The following CAMTA1 variants were observed in gnomAD, a reference collection of about 807,000 sequenced individuals.
The protein encoded by CAMTA1 is calmodulin-binding transcription activator 1.
CAMTA1 carries 27 observed loss-of-function variants against 170.9 expected under a neutral mutation model. The observed-to-expected ratio is 0.16, with a 90% confidence interval of 0.12 to 0.22. CAMTA1 has a LOEUF of 0.22. Ranked by LOEUF, CAMTA1 falls within the 10% of genes least tolerant of loss-of-function variation. The pLI, the probability that CAMTA1 is intolerant of heterozygous loss-of-function variation, is 1.00. For missense variants in CAMTA1, 1,619 were observed against 2,217.2 expected (o/e 0.73, Z 5.42); for synonymous variants, 833 against 891.5 (o/e 0.93, Z 1.17).
chr1:7,141,541 T>C (rs929782464), intron 4 of CAMTA1, among the ~76,000 whole-genome samples: 7 of 152,160 alleles, frequency 4.6e-5, no homozygotes, highest in South Asian at 4.1e-4. Flanking sequence ...GGAAAAGACA[T>C]AGAAGGGCAC....
intron 3 of CAMTA1, among the ~76,000 whole-genome samples, chr1:7,060,274 C>T (rs1406350405): frequency 6.6e-6 from 1 of 152,210 alleles, no homozygotes; most frequent in East Asian, 1.9e-4. Flanking sequence ...TCTCCCGAGG[C>T]CTCTCTCCTT....
chr1:6,786,030 C>G (rs1044147265), intron 1 of CAMTA1, among the ~76,000 whole-genome samples: 2 of 151,686 alleles, frequency 1.3e-5, no homozygotes, highest in African/African-American at 4.8e-5. Flanking sequence ...CCGCGCCCCA[C>G]TGCTCCGGGC....
At chr1:7,275,453 GA>G (rs1670451288) in intron 5 of CAMTA1, among the ~76,000 whole-genome samples, 1 of 151,762 alleles carries the variant, frequency 6.6e-6, no homozygotes, top group Non-Finnish European at 1.5e-5. Flanking sequence ...ACAAACAATA[GA>G]AAACATTAAT....
Position 6,981,043 on chromosome 1 carries a change from G to T in CAMTA1, c.235-110261G>T, listed in dbSNP as rs1385731863. Among the ~76,000 whole-genome samples, 3 of 152,022 alleles carry T rather than the reference G, an allele frequency of 2.0e-5. No individual in the cohort carries two copies. The South Asian group carries it at 6.2e-4, about 32-fold the overall frequency. On this transcript the variant is annotated intron_variant, in intron 3 of 22. Transcript: ENST00000303635. ...CTGGATTCCAGAGGAGTAACTGAGG[G>T]TACGTGCTGGCACAGTCTCGGTGGC...
intron 7 of CAMTA1, among the ~76,000 whole-genome samples, chr1:7,653,854 G>A (rs957704568): frequency 2.0e-5 from 3 of 152,188 alleles, no homozygotes; most frequent in Non-Finnish European, 2.9e-5. Flanking sequence ...CTGCCCTCAG[G>A]ATCCAAACTC....
At chr1:7,226,887 C>T (rs1661800416) in intron 4 of CAMTA1, among the ~76,000 whole-genome samples, 1 of 152,044 alleles carries the variant, frequency 6.6e-6, no homozygotes, top group South Asian at 2.1e-4. Context: ...GGCTGGAGTG[C>T]AGTGGCACGG....
intron 4 of CAMTA1, among the ~76,000 whole-genome samples, chr1:7,135,350 T>C (rs1476293616): frequency 6.6e-6 from 1 of 152,156 alleles, no homozygotes; most frequent in Non-Finnish European, 1.5e-5. Flanking sequence ...ATTGTGCCAC[T>C]GCACTCCAGC....
In CAMTA1 at chr1:7,585,767, A is replaced by G. The variant is rs2095304521; in HGVS notation, c.511-54633A>G. ...TAGAGGGGGGCTCTCTTGTGGACAGACAGGCCAGAGACACGGCTCATCTGT... is the reference window on the plus strand; with the variant it reads ...TAGAGGGGGGCTCTCTTGTGGACAGGCAGGCCAGAGACACGGCTCATCTGT... On this transcript the variant is annotated intron_variant, in intron 6 of 22. Coordinates refer to ENST00000303635, the MANE Select transcript of CAMTA1 (RefSeq NM_015215.4). This position sits in a 1 kb window ranked among gnomAD's most constrained non-coding sequence, Gnocchi z 4.8. 6.6e-6 allele frequency among the ~76,000 whole-genome samples: 1 copy of G among 150,902 alleles called. No individual in the cohort carries two copies. Among genetic ancestry groups the G allele is most frequent in the Non-Finnish European group, 1.5e-5 (1 of 68,000 alleles).
Position 7,372,467 on chromosome 1 carries a change from C to T in CAMTA1, c.439-95363C>T, listed in dbSNP as rs937044068. ...TCCACATCCTACCCCACCGTCTAGT[C>T]GAGCTGCACGTCTTTCCTGGGCTGG... On this transcript the variant is annotated intron_variant, in intron 5 of 22. Transcript: ENST00000303635. Among the ~76,000 whole-genome samples, 6 of 152,336 alleles carry T rather than the reference C, an allele frequency of 3.9e-5. 1 individual carries two copies. The East Asian group carries it at 1.2e-3, about 29-fold the overall frequency.
intron 9 of CAMTA1, among the ~76,000 whole-genome samples, chr1:7,670,348 G>A (rs1359197185): frequency 6.6e-6 from 1 of 152,042 alleles, no homozygotes; most frequent in African/African-American, 2.4e-5. Flanking sequence ...TTTCTTCATC[G>A]GGCTCTTCAG....
intron 6 of CAMTA1, among the ~76,000 whole-genome samples, chr1:7,598,868 A>T (rs537550905): frequency 6.6e-6 from 1 of 151,996 alleles, no homozygotes; most frequent in South Asian, 2.1e-4. Flanking sequence ...GATTGCAAAA[A>T]TTTTCTCCCA....
chr1:7,705,077 C>T (rs1356495453), intron 11 of CAMTA1, among the ~76,000 whole-genome samples: 1 of 149,294 alleles, frequency 6.7e-6, no homozygotes, highest in Non-Finnish European at 1.5e-5. Flanking sequence ...GCCGGGAGGG[C>T]GTGCGCGGAC....
At chr1:7,141,065 G>A (rs1236875585) in intron 4 of CAMTA1, among the ~76,000 whole-genome samples, 3 of 152,276 alleles carry the variant, frequency 2.0e-5, no homozygotes, top group Admixed American at 2.0e-4. Flanking sequence ...ATTAATTTTT[G>A]TGGCTCTTCA....
chr1:7,736,268 T>C lies in CAMTA1; in HGVS notation c.3067-76T>C, dbSNP rs878969833. ...TGAGTTTCTAATCGTAAAGCATTTG[T>C]TTCCCCTACATCGAAGCGCTGATGG... On this transcript the variant is annotated intron_variant, in intron 12 of 22. Coordinates refer to ENST00000303635, the MANE Select transcript of CAMTA1 (RefSeq NM_015215.4). The surrounding 1 kb of genome is among the most constrained non-coding windows in gnomAD (Gnocchi z 4.5). The C allele has an allele frequency of 1.7e-6, 2 of 1,206,730 alleles. No individual in the cohort carries two copies. Among genetic ancestry groups the C allele is most frequent in the Admixed American group, 4.5e-5 (2 of 44,448 alleles). The allele number at this position is 1,206,730 out of a possible 1,614,324, so 74.8% of individuals were successfully genotyped here. A position where few individuals can be genotyped will look rare whatever the true frequency, so the allele number is the denominator to read the frequency against.
At chr1:7,704,930 G>T (rs1327046608) in intron 11 of CAMTA1, among the ~76,000 whole-genome samples, 4 of 144,554 alleles carry the variant, frequency 2.8e-5, no homozygotes, top group African/African-American at 9.9e-5. Context: ...GGCGGAGGGC[G>T]CGTGCGGTCG....
chr1:7,361,908 G>A (rs965499129), intron 5 of CAMTA1, among the ~76,000 whole-genome samples: 2 of 152,150 alleles, frequency 1.3e-5, no homozygotes, highest in African/African-American at 4.8e-5. Flanking sequence ...CAGGCCCTGG[G>A]GCTGCCTTCC....
At chr1:7,365,381 G>C (rs1015638090) in intron 5 of CAMTA1, among the ~76,000 whole-genome samples, 2 of 152,190 alleles carry the variant, frequency 1.3e-5, no homozygotes, top group Non-Finnish European at 2.9e-5. Flanking sequence ...TTTAGGAAGT[G>C]CTATTACTGG....
intron 5 of CAMTA1, among the ~76,000 whole-genome samples, chr1:7,464,544 C>T (rs980282758): frequency 6.6e-6 from 1 of 152,282 alleles, no homozygotes; most frequent in South Asian, 2.1e-4. Flanking sequence ...GCGGTGGTAG[C>T]AGCTAGAGCC....
chr1:7,111,160 C>A (rs935134740), intron 4 of CAMTA1, among the ~76,000 whole-genome samples: 10 of 152,232 alleles, frequency 6.6e-5, no homozygotes, highest in African/African-American at 2.2e-4. Flanking sequence ...CCTTCTACTT[C>A]TAATGACCTT....
Sources: allele counts gnomAD v4.1 joint callset (sites outside exome capture counted in the v4.1 genomes callset), GRCh38; gene constraint gnomAD v4.1.1; non-coding constraint Gnocchi (gnomAD v3.1); transcripts MANE v1.5; gene names NCBI Gene and HGNC (gene_info 2026-07-23, HGNC 2026-07-21).